The following MYO3B variants were observed in gnomAD, a reference collection of about 807,000 sequenced individuals.
MYO3B encodes the protein myosin-IIIb.
In MYO3B, 156 loss-of-function variants were observed where a neutral mutation model predicts 174.6. The observed-to-expected ratio is 0.89, with a 90% CI of 0.78 to 1.02. MYO3B has a LOEUF of 1.02. MYO3B is among the 50% of genes least tolerant of loss of function. The pLI, the probability that MYO3B is intolerant of heterozygous loss-of-function variation, is 0.00. For missense variants in MYO3B, 1,632 were observed against 1,639.4 expected, an observed-to-expected ratio of 1.00 and a Z score of 0.08; for synonymous variants, 563 against 569.1, an observed-to-expected ratio of 0.99 and a Z score of 0.15.
chr2:170,631,860 T>A (rs993659888), intron 32 of MYO3B, among the ~76,000 whole-genome samples: 3 of 152,176 alleles, frequency 2.0e-5, no homozygotes, highest in African/African-American at 7.2e-5. Context: ...TACTCTCTGA[T>A]AAAACAGAGT....
intron 1 of MYO3B, among the ~76,000 whole-genome samples, chr2:170,188,585 G>C (rs1243570866): frequency 6.6e-6 from 1 of 151,732 alleles, no homozygotes; most frequent in Non-Finnish European, 1.5e-5. Context: ...ATTTTCTCTA[G>C]GTATGTTTTG....
At chr2:170,431,285 A>G (rs536354766) in intron 22 of MYO3B, among the ~76,000 whole-genome samples, 2 of 152,290 alleles carry the variant, frequency 1.3e-5, no homozygotes, top group East Asian at 3.9e-4. Flanking sequence ...TCGTTAAAAG[A>G]GACTGACCTA....
intron 25 of MYO3B, among the ~76,000 whole-genome samples, chr2:170,484,381 C>T (rs1489855653): frequency 6.6e-6 from 1 of 151,998 alleles, no homozygotes; most frequent in Non-Finnish European, 1.5e-5. Context: ...CTGTAGAGTT[C>T]AATCAGAAAA....
chr2:170,501,972 G>A, intron 28 of MYO3B, 107 bp downstream of exon 28: 1 of 723,070 alleles, frequency 1.4e-6, no homozygotes, highest in Non-Finnish European at 2.3e-6. Context: ...ACTGGAATGA[G>A]TCAAGAGTTC....
chr2:170,281,847 G>C (rs1046690757), intron 7 of MYO3B, among the ~76,000 whole-genome samples: 1 of 151,972 alleles, frequency 6.6e-6, no homozygotes, highest in African/African-American at 2.4e-5. Flanking sequence ...AAAGAGAGAA[G>C]ATCCAAATAA....
At chr2:170,267,189 G>C (rs2093390610) in intron 7 of MYO3B, among the ~76,000 whole-genome samples, 1 of 152,186 alleles carries the variant, frequency 6.6e-6, no homozygotes, top group Non-Finnish European at 1.5e-5. Flanking sequence ...AGTCTTTGGG[G>C]AACCCAGCCT....
At chr2:170,266,099 C>G (rs1328360466) in intron 7 of MYO3B, among the ~76,000 whole-genome samples, 1 of 152,014 alleles carries the variant, frequency 6.6e-6, no homozygotes, top group African/African-American at 2.4e-5. Flanking sequence ...GATGGGTAAT[C>G]ATAATTATGA....
chr2:170,447,565 A>G (rs191222710), intron 23 of MYO3B, among the ~76,000 whole-genome samples: 3 of 152,330 alleles, frequency 2.0e-5, no homozygotes, highest in Admixed American at 1.3e-4. Flanking sequence ...AAATGAGGCA[A>G]ATCTTTTTAC....
chr2:170,542,715 T>G lies in MYO3B; in HGVS notation c.3576-191T>G, dbSNP rs80219900. On this transcript the variant is annotated intron_variant, in intron 30 of 34. Coordinates refer to ENST00000408978, the MANE Select transcript of MYO3B (RefSeq NM_138995.5). Reference sequence around the variant, plus strand: ...GGCAGACTGTGGATGTGCTGTAACATGTAGGAGCAACACCTAGTAGGACTC... The same window carrying G: ...GGCAGACTGTGGATGTGCTGTAACAGGTAGGAGCAACACCTAGTAGGACTC... 1.7e-3 allele frequency among the ~76,000 whole-genome samples: 257 copies of G among 152,290 alleles called. 2 individuals carry two copies. Among genetic ancestry groups the G allele is most frequent in the Admixed American group, 3.6e-3 (55 of 15,298 alleles).
chr2:170,218,867 C>A lies in MYO3B; in HGVS notation c.603+1472C>A, dbSNP rs149988018. On this transcript the variant is annotated intron_variant, in intron 6 of 34. Coordinates refer to ENST00000408978, the MANE Select transcript of MYO3B (RefSeq NM_138995.5). ...AAGTTATCTAGGGACTTTGTGAATCCCACTTTGAGAAGCACTGCAGGATAA... is the reference window on the plus strand; with the variant it reads ...AAGTTATCTAGGGACTTTGTGAATCACACTTTGAGAAGCACTGCAGGATAA... Among the ~76,000 whole-genome samples, 26 of 152,196 alleles carry A rather than the reference C, an allele frequency of 1.7e-4. No individual in the cohort carries two copies. The East Asian group carries it at 5.0e-3, about 29-fold the overall frequency.
intron 23 of MYO3B, among the ~76,000 whole-genome samples, chr2:170,459,617 C>A (rs922860938): frequency 1.3e-5 from 2 of 152,174 alleles, no homozygotes; most frequent in African/African-American, 2.4e-5. Flanking sequence ...CCAGTCCCGG[C>A]GCCACACTCC....
At chr2:170,403,100 A>G (rs2094488691) in intron 19 of MYO3B, 105 bp downstream of exon 19, 1 of 1,151,498 alleles carries the variant, frequency 8.7e-7, no homozygotes, top group East Asian at 2.5e-5. Context: ...AAAAGACCCT[A>G]GAGAGAAAAT....
Position 170,654,776 on chromosome 2 carries a change from A to AAGAT in MYO3B, c.*1657_*1660dup, listed in dbSNP as rs1359869058. 3 of 152,068 alleles carry AAGAT rather than the reference A, an allele frequency of 2.0e-5. No homozygotes were observed. The highest frequency in any genetic ancestry group is 6.6e-5 in the Admixed American group (1 of 15,254). The allele number at this position is 152,068 out of a possible 1,614,324, so 9.4% of individuals were successfully genotyped here. A position where few individuals can be genotyped will look rare whatever the true frequency, so the allele number is the denominator to read the frequency against. On this transcript the variant is annotated 3_prime_UTR_variant, in exon 35 of 35. Coordinates refer to ENST00000408978, the MANE Select transcript of MYO3B (RefSeq NM_138995.5). The stretch of plus-strand genomic sequence containing the variant: ...GGAGCACATTAATAGGCCTTTTATG[A>AAGAT]AGATAAATAATGAAATGAGGTATTT...
intron 30 of MYO3B, among the ~76,000 whole-genome samples, chr2:170,534,123 G>A (rs887113662): frequency 7.9e-5 from 12 of 151,926 alleles, no homozygotes; most frequent in Admixed American, 3.9e-4. Flanking sequence ...TGTTTTTTAC[G>A]AACTGAAGGT....
chr2:170,229,835 CAA>C (rs1440264669), intron 6 of MYO3B, among the ~76,000 whole-genome samples: 16 of 152,022 alleles, frequency 1.1e-4, no homozygotes, highest in Non-Finnish European at 2.2e-4. Context: ...TCTTATACAC[CAA>C]GTCTTTGTGC....
intron 32 of MYO3B, among the ~76,000 whole-genome samples, chr2:170,562,572 C>T (rs188472157): frequency 6.6e-6 from 1 of 152,206 alleles, no homozygotes; most frequent in East Asian, 1.9e-4. Flanking sequence ...TTAGCCCTCA[C>T]TAAAGATGAG....
At chr2:170,295,108 TTG>T (rs905423625) in intron 7 of MYO3B, among the ~76,000 whole-genome samples, 6 of 152,070 alleles carry the variant, frequency 3.9e-5, no homozygotes, top group African/African-American at 1.4e-4. Context: ...AACTAAATTT[TTG>T]TTAGTATTTG....
At chr2:170,612,808 C>T (rs879903801) in intron 32 of MYO3B, among the ~76,000 whole-genome samples, 20 of 152,192 alleles carry the variant, frequency 1.3e-4, no homozygotes, top group Non-Finnish European at 2.6e-4. Context: ...CCTAATACTT[C>T]AGGACAAGCA....
At chr2:170,334,328 A>G (rs747161253) in intron 7 of MYO3B, 3 of 152,264 alleles carry the variant, frequency 2.0e-5, no homozygotes, top group Non-Finnish European at 4.4e-5. Flanking sequence ...AAATTGTACT[A>G]TAAGAAATGA....
Sources: gnomAD v4.1 joint callset for allele counts (sites outside exome capture counted in the v4.1 genomes callset) on GRCh38, gnomAD v4.1.1 for gene constraint, MANE v1.5 for transcripts, NCBI Gene and HGNC (gene_info 2026-07-23, HGNC 2026-07-21) for gene names.